Variants in TENT5C observed in about 807,000 individuals in gnomAD.
TENT5C encodes family with sequence similarity 46 member C.
TENT5C carries 5 observed loss-of-function variants against 22.2 expected under a neutral mutation model. The observed-to-expected ratio is 0.22, with a 90% CI of 0.12 to 0.47. TENT5C has a LOEUF of 0.47. Ranked by LOEUF, TENT5C falls within the 20% of genes least tolerant of loss-of-function variation. The pLI, the probability that TENT5C is intolerant of heterozygous loss-of-function variation, is 0.99. For synonymous variants in TENT5C, 199 were observed against 195.4 expected, an observed-to-expected ratio of 1.02 and a Z score of -0.15; for missense variants, 364 against 500.9, an observed-to-expected ratio of 0.73 and a Z score of 2.61.
rs563065696 is a variant in TENT5C at position 117,608,080 on chromosome 1, A to T, written c.-28+1927A>T. On this transcript the variant is annotated intron_variant, in intron 1 of 1. Transcript: ENST00000369448. ...GTAGGGGGCTCCCATAACAAAGTTT[A>T]AAAAAAAAAAAAAACTCTGCCAGGA... 9.3e-3 allele frequency among the ~76,000 whole-genome samples: 713 copies of T among 76,412 alleles called. 5 individuals are homozygous for T. Among genetic ancestry groups the T allele is most frequent in the South Asian group, 0.016 (35 of 2,236 alleles). The allele number at this position is 76,412 out of a possible 152,430, so 50.1% of individuals were successfully genotyped here. A position where few individuals can be genotyped will look rare whatever the true frequency, so the allele number is the denominator to read the frequency against.
intron 1 of TENT5C, among the ~76,000 whole-genome samples, chr1:117,617,975 A>G (rs1251199802): frequency 6.6e-6 from 1 of 152,232 alleles, no homozygotes; most frequent in East Asian, 1.9e-4. Context: ...TGCTCTTCCA[A>G]TGAGCTAAGC....
At chr1:117,620,782 ACT>A (rs1653877855) in intron 1 of TENT5C, among the ~76,000 whole-genome samples, 1 of 151,810 alleles carries the variant, frequency 6.6e-6, no homozygotes, top group African/African-American at 2.4e-5. Flanking sequence ...TTCTTATGAG[ACT>A]CTAATGCCTG....
chr1:117,622,470 G>A (rs542638289), intron 1 of TENT5C, among the ~76,000 whole-genome samples: 2 of 152,286 alleles, frequency 1.3e-5, no homozygotes, highest in South Asian at 4.1e-4. Context: ...TCGAGATGTG[G>A]TTAGGGAGCC....
intron 1 of TENT5C, among the ~76,000 whole-genome samples, chr1:117,620,588 T>C (rs1356510579): frequency 1.3e-5 from 2 of 152,150 alleles, no homozygotes; most frequent in African/African-American, 4.8e-5. Flanking sequence ...CCCACCCCCC[T>C]GACCACGGGC....
At chr1:117,607,862 A>C (rs974557786) in intron 1 of TENT5C, among the ~76,000 whole-genome samples, 5 of 152,202 alleles carry the variant, frequency 3.3e-5, no homozygotes, top group African/African-American at 9.7e-5. Context: ...GCTGGGCTGC[A>C]GGGGTTCTGT....
At chr1:117,608,017 GGTATATT>G (rs1286864721) in intron 1 of TENT5C, among the ~76,000 whole-genome samples, 3 of 151,550 alleles carry the variant, frequency 2.0e-5, no homozygotes, top group Non-Finnish European at 4.4e-5. Flanking sequence ...GGAAGATTTT[GGTATATT>G]GTATATAATT....
Position 117,627,046 on chromosome 1 carries a change from A to G in TENT5C, c.*3002A>G, listed in dbSNP as rs909918248. On this transcript the variant is annotated 3_prime_UTR_variant, in exon 2 of 2. Coordinates refer to ENST00000369448, the MANE Select transcript of TENT5C (RefSeq NM_017709.4). Reference sequence around the variant, plus strand: ...AATTTCAATGCTGAAACTGAACTCTATTACTAATGCCTTCCAATCAGAGTT... The same window carrying G: ...AATTTCAATGCTGAAACTGAACTCTGTTACTAATGCCTTCCAATCAGAGTT... 3.6e-5 allele frequency: 9 copies of G among 248,026 alleles called. No individual in the cohort carries two copies. Among genetic ancestry groups the G allele is most frequent in the South Asian group, 1.8e-4 (1 of 5,526 alleles). The allele number at this position is 248,026 out of a possible 1,614,324, so 15.4% of individuals were successfully genotyped here.
chr1:117,621,403 C>T (rs1427336981), intron 1 of TENT5C, among the ~76,000 whole-genome samples: 1 of 152,182 alleles, frequency 6.6e-6, no homozygotes, highest in Non-Finnish European at 1.5e-5. Context: ...TTTATTTCCA[C>T]CACTGGAGTT....
rs190236235 is a variant in TENT5C, at chr1:117,626,840, C to T, written c.*2796C>T. Reference sequence around the variant, plus strand: ...GATTTGACTCTTTTTCTGATGCTTTCGGCATGTCTGCAGCCTGTTCTCCTA... The same window carrying T: ...GATTTGACTCTTTTTCTGATGCTTTTGGCATGTCTGCAGCCTGTTCTCCTA... On this transcript the variant is annotated 3_prime_UTR_variant, in exon 2 of 2. Transcript: ENST00000369448. 3.1e-3 allele frequency: 766 copies of T among 248,142 alleles called. 13 individuals carry two copies. The South Asian group carries it at 0.046, about 15-fold the overall frequency. The allele number at this position is 248,142 out of a possible 1,614,324, so 15.4% of individuals were successfully genotyped here.
rs544258999 is a variant in TENT5C, at chr1:117,627,348, G to T, written c.*3304G>T. The T allele has an allele frequency of 4.0e-6, 1 of 248,114 alleles. No homozygotes were observed. The highest frequency in any genetic ancestry group is 2.2e-5 in the African/African-American group (1 of 45,448). 15.4% of individuals were successfully genotyped at this position (248,114 alleles called of 1,614,324 possible). A position where few individuals can be genotyped will look rare whatever the true frequency, so the allele number is the denominator to read the frequency against. Reference sequence around the variant, plus strand: ...CACTAACCCCTTACCCTTATGGTACGTCAGGATTTTAACTAGTACTGCTTT... The same window carrying T: ...CACTAACCCCTTACCCTTATGGTACTTCAGGATTTTAACTAGTACTGCTTT... On this transcript the variant is annotated 3_prime_UTR_variant, in exon 2 of 2. Coordinates refer to ENST00000369448, the MANE Select transcript of TENT5C (RefSeq NM_017709.4).
chr1:117,616,988 G>A (rs1040435673), intron 1 of TENT5C, among the ~76,000 whole-genome samples: 1 of 152,200 alleles, frequency 6.6e-6, no homozygotes, highest in Non-Finnish European at 1.5e-5. Context: ...GACGGTTTCT[G>A]TGTCTAATGC....
chr1:117,626,153 G>A lies in TENT5C; in HGVS notation c.*2109G>A, dbSNP rs749061722. On this transcript the variant is annotated 3_prime_UTR_variant, in exon 2 of 2. Coordinates refer to ENST00000369448, the MANE Select transcript of TENT5C (RefSeq NM_017709.4). ...AAATGTGATGAAGCCACCAACATAA[G>A]CACTTGCCTAACAGAAATCAGTATT... 2.4e-5 allele frequency: 6 copies of A among 247,048 alleles called. No homozygotes were observed. In the Admixed American group the frequency reaches 3.4e-4, roughly 14 times the overall value. The allele number at this position is 247,048 out of a possible 1,614,324, so 15.3% of individuals were successfully genotyped here. A position where few individuals can be genotyped will look rare whatever the true frequency, so the allele number is the denominator to read the frequency against.
At chr1:117,608,905 G>A (rs1422673913) in intron 1 of TENT5C, among the ~76,000 whole-genome samples, 1 of 152,080 alleles carries the variant, frequency 6.6e-6, no homozygotes, top group African/African-American at 2.4e-5. Flanking sequence ...GCATGTGTGT[G>A]TGTTTAGGAG....
In TENT5C at chr1:117,624,056, G is replaced by A. The variant is rs1355773773; in HGVS notation, c.*12G>A. 2 of 1,601,360 alleles carry A rather than the reference G, an allele frequency of 1.2e-6. No homozygotes were observed. Reference sequence around the variant, plus strand: ...TGCCCTGTAACTAACCTTGAGACCTGAGGGTTTCCACAGTGGGAACCCCAA... The same window carrying A: ...TGCCCTGTAACTAACCTTGAGACCTAAGGGTTTCCACAGTGGGAACCCCAA... On this transcript the variant is annotated 3_prime_UTR_variant, in exon 2 of 2. Transcript: ENST00000369448.
intron 1 of TENT5C, among the ~76,000 whole-genome samples, chr1:117,611,171 G>A (rs965200692): frequency 6.6e-6 from 1 of 152,204 alleles, no homozygotes; most frequent in African/African-American, 2.4e-5. Flanking sequence ...ATATGGACTT[G>A]GGCAGTTTCA....
chr1:117,622,915 T>C lies in TENT5C; in HGVS notation c.47T>C (p.Val16Ala). 1 of 1,614,072 alleles carries C rather than the reference T, an allele frequency of 6.2e-7. No homozygotes were observed. ...ACCAGGGATTGCATGTCCTTCAGCGTGCTCAACTGGGATCAGGTTAGCCGG... is the reference window on the plus strand; with the variant it reads ...ACCAGGGATTGCATGTCCTTCAGCGCGCTCAACTGGGATCAGGTTAGCCGG... ...SCTRDCMSFSVLNWDQVSRLH... is the reference protein window; with the variant it reads ...SCTRDCMSFSALNWDQVSRLH... Residue 16 changes from valine to alanine, a missense_variant, in exon 2 of 2, where the codon GTG becomes GCG. Val to Ala is a moderately conservative substitution (Grantham distance 64). This residue lies in a region of TENT5C where 303 missense variants were observed against 394.5 expected (regional missense o/e 0.77). Transcript: ENST00000369448.
chr1:117,622,572 C>T (rs958288362), intron 1 of TENT5C, among the ~76,000 whole-genome samples: 6 of 151,504 alleles, frequency 4.0e-5, no homozygotes, highest in Non-Finnish European at 8.8e-5. Context: ...TCCGTTTCAG[C>T]ACACTCCACC....
chr1:117,622,946 T>C lies in TENT5C; in HGVS notation c.78T>C (p.His26=), dbSNP rs765142602. ...VLNWDQVSRL[H]EVLTEVVPIH... is the part of the protein sequence containing the mutation. ...ACTGGGATCAGGTTAGCCGGCTGCA[T>C]GAGGTCCTCACTGAAGTTGTACCTA... Residue 26 remains histidine (H), a synonymous_variant, in exon 2 of 2, where the codon CAT becomes CAC. Transcript: ENST00000369448. The C allele has an allele frequency of 6.2e-7, 1 of 1,614,206 alleles. No individual in the cohort carries two copies.
chr1:117,623,396 G>T lies in TENT5C; in HGVS notation c.528G>T (p.Gln176His), dbSNP rs1185953882. 1 of 1,614,178 alleles carries T rather than the reference G, an allele frequency of 6.2e-7. No individual in the cohort carries two copies. Among genetic ancestry groups the T allele is most frequent in the Non-Finnish European group, 8.5e-7 (1 of 1,180,040 alleles). The change falls in exon 2 of 2, where the codon CAG (glutamine) becomes CAT (histidine). Residue 176 changes from glutamine (Q) to histidine (H), a missense_variant. Physicochemically the swap from Gln to His is conservative, Grantham distance 24. Coordinates refer to ENST00000369448, the MANE Select transcript of TENT5C (RefSeq NM_017709.4). ...ELKFVDSIRR[Q>H]FEFSVDSFQI... ...AGTTTGTCGACTCCATTCGGCGTCA[G>T]TTTGAGTTCAGTGTGGACTCTTTCC...
Sources: gnomAD v4.1 joint callset for allele counts (sites outside exome capture counted in the v4.1 genomes callset) on GRCh38, gnomAD v4.1.1 for gene constraint, gnomAD v4.1.1 regional missense constraint, MANE v1.5 for transcripts, NCBI Gene and HGNC (gene_info 2026-07-23, HGNC 2026-07-21) for gene names.